Variants in IDUA observed in about 807,000 individuals in gnomAD.
IDUA encodes iduronidase alpha-L-.
Under a neutral mutation model 68.9 loss-of-function variants are expected in IDUA, and 65 were observed. The ratio of observed to expected loss-of-function variants is 0.94; its 90% confidence interval spans 0.77 to 1.16. The LOEUF is 1.16. Among genes scored for constraint, IDUA ranks in the 50% most tolerant of loss-of-function variants. The pLI is 0.00. For missense variants in IDUA, 1,046 were observed against 938.0 expected, an observed-to-expected ratio of 1.12 and a Z score of -1.50; for synonymous variants, 529 against 433.6, an observed-to-expected ratio of 1.22 and a Z score of -2.73.
intron 2 of IDUA, chr4:990,158 C>A: frequency 6.4e-7 from 1 of 1,563,450 alleles, no homozygotes; most frequent in Non-Finnish European, 8.7e-7. Flanking sequence ...ACGTCGCACA[C>A]GTTGGCCTGC....
intron 7 of IDUA, 47 bp from the exon 8 acceptor site, chr4:1,002,222 G>T: frequency 6.3e-7 from 1 of 1,579,286 alleles, no homozygotes; most frequent in Non-Finnish European, 8.6e-7. Flanking sequence ...CGGGACAGGC[G>T]AGCGGTGGCC....
In IDUA at chr4:1,003,734, C is replaced by G. The variant is rs568142163; in HGVS notation, c.1727+109C>G. 26 of 1,228,154 alleles carry G rather than the reference C, an allele frequency of 2.1e-5. No homozygotes were observed. In the African/African-American group the frequency reaches 3.4e-4, roughly 16 times the overall value. The allele number at this position is 1,228,154 out of a possible 1,614,324, so 76.1% of individuals were successfully genotyped here. ...GGCCACTTGCCGTGGCCCATCGGCT[C>G]CCTCCCTCGCCGCCCTGCGTCCCTG... On this transcript the variant is annotated intron_variant, in intron 12 of 13. Transcript: ENST00000514224.
Position 1,003,567 on chromosome 4 carries a change from C to A in IDUA, c.1669C>A (p.Leu557Met). 6.2e-7 allele frequency: 1 copy of A among 1,612,300 alleles called. No homozygotes were observed. Among genetic ancestry groups the A allele is most frequent in the South Asian group, 1.1e-5 (1 of 91,080 alleles). Residue 557 changes from leucine to methionine, a missense_variant, in exon 12 of 14, where the codon CTG (leucine) becomes ATG (methionine). Coordinates refer to ENST00000514224, the MANE Select transcript of IDUA (RefSeq NM_000203.5). Reference protein sequence around the residue: ...PPGQVTRLRALPLTQGQLVLV... With the variant: ...PPGQVTRLRAMPLTQGQLVLV... ...CCCCCAGGTCACGCGGCTCCGCGCC[C>A]TGCCCCTGACCCAAGGGCAGCTGGT...
chr4:990,326 C>T lies in IDUA; in HGVS notation c.299+2377C>T, dbSNP rs368056565. On this transcript the variant is annotated intron_variant, in intron 2 of 13. Transcript: ENST00000514224. Reference sequence around the variant, plus strand: ...TCGAGCAGTGGCTGTGAGAGGTAGGCGGACACGAAGCCCAGCCGGAGGACG... The same window carrying T: ...TCGAGCAGTGGCTGTGAGAGGTAGGTGGACACGAAGCCCAGCCGGAGGACG... The T allele has an allele frequency of 1.1e-5, 17 of 1,604,290 alleles. No individual in the cohort carries two copies. Among genetic ancestry groups the T allele is most frequent in the Admixed American group, 6.8e-5 (4 of 58,632 alleles).
rs184671154 is a variant in IDUA at position 990,585 on chromosome 4, G to A, written c.299+2636G>A. The stretch of plus-strand genomic sequence containing the variant: ...TGTGACATCCACGTGAGCATCACAC[G>A]TGCACACAGCTGGCCATAGACACGT... On this transcript the variant is annotated intron_variant, in intron 2 of 13. Transcript: ENST00000514224. The A allele has an allele frequency of 0.011, 6,400 of 588,676 alleles. 53 individuals carry two copies. The highest frequency in any genetic ancestry group is 0.014 in the Non-Finnish European group (4,522 of 330,648). 36.5% of individuals were successfully genotyped at this position (588,676 alleles called of 1,614,324 possible).
chr4:986,998 T>G, upstream of IDUA: 1 of 1,025,678 alleles, frequency 9.7e-7, no homozygotes. Flanking sequence ...GCGGCGGCGG[T>G]CACATGGGGT....
At chr4:990,798 C>A (rs1331644959) in intron 2 of IDUA, 1 of 403,706 alleles carries the variant, frequency 2.5e-6, no homozygotes, top group Non-Finnish European at 4.4e-6. Context: ...CCATCCCCCA[C>A]TCCACCTAGG....
Position 1,002,915 on chromosome 4 carries a change from T to A in IDUA, c.1373T>A (p.Leu458Gln). The change falls in exon 9 of 14, where the codon CTG (leucine) becomes CAG (glutamine). Residue 458 changes from leucine to glutamine, a missense_variant. Coordinates refer to ENST00000514224, the MANE Select transcript of IDUA (RefSeq NM_000203.5). ...CCCAACCGCAGCGTCGCGGTGACCCTGCGGCTGCGCGGGGTGCCCCCCGGC... is the reference window on the plus strand; with the variant it reads ...CCCAACCGCAGCGTCGCGGTGACCCAGCGGCTGCGCGGGGTGCCCCCCGGC... ...AHPNRSVAVT[L>Q]RLRGVPPGPG... 2 of 1,374,648 alleles carry A rather than the reference T, an allele frequency of 1.5e-6. No homozygotes were observed. The highest frequency in any genetic ancestry group is 9.3e-7 in the Non-Finnish European group (1 of 1,070,930). 85.2% of individuals were successfully genotyped at this position (1,374,648 alleles called of 1,614,324 possible). A position where few individuals can be genotyped will look rare whatever the true frequency, so the allele number is the denominator to read the frequency against.
At chr4:991,783 C>T (rs987774958) in intron 2 of IDUA, 9 of 1,528,126 alleles carry the variant, frequency 5.9e-6, no homozygotes, top group South Asian at 2.4e-5. Context: ...CAGGGCCAAA[C>T]GACAAGGTCC....
At chr4:990,196 G>T (rs752458996) in intron 2 of IDUA, 1 of 1,561,908 alleles carries the variant, frequency 6.4e-7, no homozygotes, top group Non-Finnish European at 8.7e-7. Flanking sequence ...GCTCAGCCAT[G>T]TGAGGACCAC....
At chr4:1,001,372 G>A in intron 4 of IDUA, 96 bp from the exon 5 acceptor site, 2 of 1,022,602 alleles carry the variant, frequency 2.0e-6, no homozygotes, top group Non-Finnish European at 1.6e-6. Context: ...GGTTCATCTT[G>A]AGTCAGACGC....
intron 2 of IDUA, chr4:988,238 G>T: frequency 7.8e-7 from 1 of 1,283,752 alleles, no homozygotes; most frequent in Non-Finnish European, 9.9e-7. Flanking sequence ...GTGTCTGCTG[G>T]CCAGGCTGGG....
chr4:997,396 C>A (rs1193968454), intron 2 of IDUA, among the ~76,000 whole-genome samples: 1 of 150,176 alleles, frequency 6.7e-6, no homozygotes, highest in Admixed American at 6.6e-5. Flanking sequence ...GGTCTCCCCC[C>A]ACCGCCTGCG....
intron 2 of IDUA, among the ~76,000 whole-genome samples, chr4:995,738 C>T (rs763297248): frequency 6.6e-6 from 1 of 152,166 alleles, no homozygotes; most frequent in Non-Finnish European, 1.5e-5. Context: ...CCTGGACACT[C>T]ACCCCACCAA....
intron 2 of IDUA, chr4:991,737 C>G: frequency 6.5e-7 from 1 of 1,527,574 alleles, no homozygotes; most frequent in Non-Finnish European, 8.7e-7. Flanking sequence ...CGACCTGCGG[C>G]CGAGAAGAGG....
Position 1,003,302 on chromosome 4 carries a change from C to G in IDUA, c.1525-43C>G, listed in dbSNP as rs1270606449. On this transcript the variant is annotated intron_variant, in intron 10 of 13. Coordinates refer to ENST00000514224, the MANE Select transcript of IDUA (RefSeq NM_000203.5). Reference sequence around the variant, plus strand: ...CGCCCTGAGGTCGGGCCGAGCGTCCCCAGCTCCCCTGGAGAACCCTGAGGA... The same window carrying G: ...CGCCCTGAGGTCGGGCCGAGCGTCCGCAGCTCCCCTGGAGAACCCTGAGGA... 2.9e-6 allele frequency: 4 copies of G among 1,402,670 alleles called. No homozygotes were observed. The East Asian group carries it at 1.2e-4, about 43-fold the overall frequency. 86.9% of individuals were successfully genotyped at this position (1,402,670 alleles called of 1,614,324 possible).
In IDUA at chr4:987,090, T is replaced by TCCCCTGCGC. The variant is rs928648528; in HGVS notation, c.11_19dup (p.Leu4_Pro6dup). On this transcript the variant is annotated inframe_insertion, in exon 1 of 14. Coordinates refer to ENST00000514224, the MANE Select transcript of IDUA (RefSeq NM_000203.5). ...GTCCCCGAGCACGCGTGGCCATGCG[T>TCCCCTGCGC]CCCCTGCGCCCCCGCGCCGCGCTGC... 3 of 1,476,834 alleles carry TCCCCTGCGC rather than the reference T, an allele frequency of 2.0e-6. No individual in the cohort carries two copies. The African/African-American group carries it at 4.4e-5, about 22-fold the overall frequency. The allele number at this position is 1,476,834 out of a possible 1,614,324, so 91.5% of individuals were successfully genotyped here.
rs1436395282 is a variant in IDUA, at chr4:1,003,123, C to T, written c.1490C>T (p.Thr497Met). 2.7e-6 allele frequency: 4 copies of T among 1,503,668 alleles called. No homozygotes were observed. The East Asian group carries it at 8.3e-5, about 31-fold the overall frequency. The allele number at this position is 1,503,668 out of a possible 1,614,324, so 93.1% of individuals were successfully genotyped here. The change falls in exon 10 of 14, where the codon ACG becomes ATG. Residue 497 changes from threonine to methionine, a missense_variant. Physicochemically the swap from Thr to Met is moderately conservative, Grantham distance 81 (BLOSUM62 -1). Transcript: ENST00000514224. ...WRRLGRPVFP[T>M]AEQFRRMRAA... ...CGCCTGGGCCGGCCCGTCTTCCCCA[C>T]GGCAGAGCAGTTCCGGCGCATGCGC...
intron 2 of IDUA, among the ~76,000 whole-genome samples, chr4:998,276 C>T (rs1363440737): frequency 6.6e-6 from 1 of 152,198 alleles, no homozygotes; most frequent in Admixed American, 6.5e-5. Context: ...CCTGCCAAGG[C>T]TCTGCCTTGA....
Sources: allele counts gnomAD v4.1 joint callset (sites outside exome capture counted in the v4.1 genomes callset), GRCh38; gene constraint gnomAD v4.1.1; transcripts MANE v1.5; gene names NCBI Gene and HGNC (gene_info 2026-07-23, HGNC 2026-07-21).